Variants in ATP7A observed in about 807,000 individuals in gnomAD.
The protein encoded by ATP7A is copper-transporting ATPase 1.
Under a neutral mutation model 83.5 loss-of-function variants are expected in ATP7A, and 7 were observed. The observed-to-expected ratio is 0.08, with a 90% confidence interval of 0.05 to 0.16. The LOEUF is 0.16. Ranked by LOEUF, ATP7A falls within the 10% of genes least tolerant of loss-of-function variation. The probability of loss-of-function intolerance (pLI) is 1.00; values close to 1 mark genes in which losing one functional copy is unlikely to be tolerated. For synonymous variants in ATP7A, 354 were observed against 395.2 expected, an observed-to-expected ratio of 0.90 and a Z score of 1.24; for missense variants, 940 against 1,120.8, an observed-to-expected ratio of 0.84 and a Z score of 2.30.
In ATP7A at chrX:77,990,738, A is replaced by G. The variant is rs185920166; in HGVS notation, c.1336+780A>G. 1.4e-4 allele frequency among the ~76,000 whole-genome samples: 16 copies of G among 112,281 alleles called. No individual in the cohort carries two copies. In the East Asian group the frequency reaches 3.6e-3, roughly 25 times the overall value. On this transcript the variant is annotated intron_variant, in intron 4 of 22. Transcript: ENST00000341514. ...AAATTGTTCTTTTGAACCAGAATTG[A>G]ACCTGGCCTTGAATTAAACTGGAAA... is the stretch of plus-strand genomic sequence containing the variant.
rs2077517807 is a variant in ATP7A, at chrX:77,967,743, A to G, written c.-21-3878A>G. Among the ~76,000 whole-genome samples, 3 of 112,019 alleles carry G rather than the reference A, an allele frequency of 2.7e-5. No homozygotes were observed. The South Asian group carries it at 1.1e-3, about 41-fold the overall frequency. On this transcript the variant is annotated intron_variant, in intron 1 of 22. Coordinates refer to ENST00000341514, the MANE Select transcript of ATP7A (RefSeq NM_000052.7). ...GCATGTGAATTATATCCCAATTTAA[A>G]AAAGAATGCATATGTCTTAGTTCAG...
chrX:77,946,196 G>A (rs989802146), intron 1 of ATP7A, among the ~76,000 whole-genome samples: 2 of 108,982 alleles, frequency 1.8e-5, no homozygotes, highest in Non-Finnish European at 3.8e-5. Flanking sequence ...CAGCTACTCA[G>A]GAGGCTGAGG....
chrX:78,010,746 A>AT (rs1225437380), intron 7 of ATP7A, among the ~76,000 whole-genome samples: 9 of 107,530 alleles, frequency 8.4e-5, no homozygotes, highest in Middle Eastern at 4.3e-3. Flanking sequence ...TTTCCAGCTA[A>AT]TTTTTTGTAT....
chrX:77,940,009 G>T (rs999055082), intron 1 of ATP7A, among the ~76,000 whole-genome samples: 1 of 109,853 alleles, frequency 9.1e-6, no homozygotes, highest in African/African-American at 3.3e-5. Flanking sequence ...TTTTGATGGA[G>T]GGAGGATCTG....
Position 77,910,846 on chromosome X carries a change from C to T in ATP7A, c.-22+11C>T, listed in dbSNP as rs1357236278. ...GGATAGAGAAACCAGGTAAGTCCTA[C>T]ATTGGCTTCCCGTCGTCCTTTCTCC... On this transcript the variant is annotated intron_variant, in intron 1 of 22. Transcript: ENST00000341514. 1 of 112,479 alleles carries T rather than the reference C, an allele frequency of 8.9e-6. No homozygotes were observed. Among genetic ancestry groups the T allele is most frequent in the East Asian group, 2.8e-4 (1 of 3,599 alleles). 9.3% of individuals were successfully genotyped at this position (112,479 alleles called of 1,213,427 possible).
chrX:78,008,375 C>T (rs2077792022), intron 6 of ATP7A, among the ~76,000 whole-genome samples: 1 of 111,636 alleles, frequency 9.0e-6, no homozygotes, highest in Non-Finnish European at 1.9e-5. Flanking sequence ...AAGTCATGCC[C>T]ATCCATTTTA....
At chrX:77,987,216 C>A (rs1034477452) in intron 2 of ATP7A, among the ~76,000 whole-genome samples, 1 of 111,621 alleles carries the variant, frequency 9.0e-6, no homozygotes, top group Non-Finnish European at 1.9e-5. Flanking sequence ...CAGTTCCTGA[C>A]GCACATAATA....
At chrX:77,934,456 T>A (rs1398362525) in intron 1 of ATP7A, among the ~76,000 whole-genome samples, 2 of 111,794 alleles carry the variant, frequency 1.8e-5, no homozygotes, top group African/African-American at 3.3e-5. Flanking sequence ...GTCTTCTGCC[T>A]CATTAACAAT....
At chrX:77,975,886 T>C (rs1054463704) in intron 2 of ATP7A, 1 of 112,290 alleles carries the variant, frequency 8.9e-6, no homozygotes, top group Non-Finnish European at 1.9e-5. Context: ...TTCTCATTTG[T>C]GTAATATACT....
At chrX:77,925,918 CT>C (rs35626877) in intron 1 of ATP7A, among the ~76,000 whole-genome samples, 56 of 99,790 alleles carry the variant, frequency 5.6e-4, no homozygotes, top group African/African-American at 7.7e-4. Context: ...AGTAATAAGG[CT>C]TTTTTTTTTT....
chrX:78,033,052 A>T (rs2077992136), intron 16 of ATP7A, among the ~76,000 whole-genome samples: 1 of 112,490 alleles, frequency 8.9e-6, no homozygotes, highest in African/African-American at 3.2e-5. Flanking sequence ...GAATACTGAT[A>T]AGCTTTCCAT....
chrX:78,012,903 A>G lies in ATP7A; in HGVS notation c.2197A>G (p.Ile733Val), dbSNP rs1246689922. 8.3e-7 allele frequency: 1 copy of G among 1,209,279 alleles called. No individual in the cohort carries two copies. Among genetic ancestry groups the G allele is most frequent in the Non-Finnish European group, 1.1e-6 (1 of 894,562 alleles). ...VQFFGGWYFY[I>V]QAYKALKHKT... is the part of the protein sequence containing the mutation. ...GTTTTTCGGAGGCTGGTACTTCTAC[A>G]TTCAGGCTTATAAAGCACTGAAGCA... The change falls in exon 10 of 23, where the codon ATT becomes GTT. Residue 733 changes from isoleucine to valine, a missense_variant. This residue lies in a region of ATP7A where 204 missense variants were observed against 185.8 expected (regional missense o/e 1.10). Transcript: ENST00000341514.
chrX:78,013,185 A>G, intron 10 of ATP7A, 73 bp downstream of exon 10: 3 of 915,643 alleles, frequency 3.3e-6, no homozygotes, highest in Non-Finnish European at 3.2e-6. Context: ...TAGGCCAATC[A>G]TTGGAAATAC....
At chrX:77,952,020 T>C (rs371926321) in intron 1 of ATP7A, among the ~76,000 whole-genome samples, 2 of 112,346 alleles carry the variant, frequency 1.8e-5, no homozygotes, top group African/African-American at 6.5e-5. Flanking sequence ...AGTTTTTTTA[T>C]GAATAGCTCA....
At chrX:77,956,221 T>A (rs1358351028) in intron 1 of ATP7A, among the ~76,000 whole-genome samples, 1 of 111,950 alleles carries the variant, frequency 8.9e-6, no homozygotes, top group Non-Finnish European at 1.9e-5. Flanking sequence ...ATCACCATAC[T>A]GTTTCCCATA....
At chrX:78,027,278 T>G (rs782475214) in intron 14 of ATP7A, among the ~76,000 whole-genome samples, 31 of 111,855 alleles carry the variant, frequency 2.8e-4, no homozygotes, top group Non-Finnish European at 4.9e-4. Context: ...AAAATCAACA[T>G]GCAAAAATTA....
At chrX:78,041,883 T>G (rs1557238449) in intron 19 of ATP7A, among the ~76,000 whole-genome samples, 1 of 110,153 alleles carries the variant, frequency 9.1e-6, no homozygotes, top group African/African-American at 3.3e-5. Context: ...TTTGGGAGGC[T>G]GAAGTGGGCA....
Position 78,045,512 on chromosome X carries a change from G to T in ATP7A, c.4166G>T (p.Gly1389Val). Reference sequence around the variant, plus strand: ...GGTTTGGTTTTGCAGCCCTGGATGGGATCTGCAGCAATGGCTGCTTCATCT... The same window carrying T: ...GGTTTGGTTTTGCAGCCCTGGATGGTATCTGCAGCAATGGCTGCTTCATCT... Reference protein sequence around the residue: ...PIGLVLQPWMGSAAMAASSVS... With the variant: ...PIGLVLQPWMVSAAMAASSVS... Residue 1389 changes from glycine to valine, a missense_variant, in exon 22 of 23, where the codon GGA becomes GTA. This residue lies in a region of ATP7A where 386 missense variants were observed against 502.2 expected (regional missense o/e 0.77). Transcript: ENST00000341514. 8.3e-7 allele frequency: 1 copy of T among 1,211,718 alleles called. No individual in the cohort carries two copies.
At chrX:78,044,308 A>G (rs1436664509) in intron 21 of ATP7A, among the ~76,000 whole-genome samples, 1 of 109,897 alleles carries the variant, frequency 9.1e-6, no homozygotes, top group Admixed American at 9.7e-5. Flanking sequence ...AAAAAATGGT[A>G]CAATAAAAAT....
Sources: gnomAD v4.1 joint callset for allele counts (sites outside exome capture counted in the v4.1 genomes callset) on GRCh38, gnomAD v4.1.1 for gene constraint, gnomAD v4.1.1 regional missense constraint, MANE v1.5 for transcripts, NCBI Gene and HGNC (gene_info 2026-07-23, HGNC 2026-07-21) for gene names.